The following WWOX variants were observed in gnomAD, a reference collection of about 807,000 sequenced individuals.
WWOX encodes WW domain-containing oxidoreductase.
Under a neutral mutation model 46.2 loss-of-function variants are expected in WWOX, and 69 were observed. The ratio of observed to expected loss-of-function variants is 1.49; its 90% CI spans 1.23 to 1.82. WWOX has a LOEUF of 1.82. Among genes scored for constraint, WWOX ranks in the 40% most tolerant of loss-of-function variants. The pLI is 0.00. For synonymous variants in WWOX, 359 were observed against 202.6 expected (o/e 1.77, Z -6.56); for missense variants, 919 against 542.6 (o/e 1.69, Z -6.89).
At chr16:79,015,086 T>G (rs1183319991) in intron 8 of WWOX, among the ~76,000 whole-genome samples, 1 of 152,156 alleles carries the variant, frequency 6.6e-6, no homozygotes, top group African/African-American at 2.4e-5. Flanking sequence ...CTTTCAAATT[T>G]GGATGTGTCG....
At chr16:78,634,837 A>AGAGAGTGTGTGTGT (rs1346762709) in intron 8 of WWOX, among the ~76,000 whole-genome samples, 5 of 111,718 alleles carry the variant, frequency 4.5e-5, no homozygotes, top group Non-Finnish European at 9.4e-5. Context: ...AGAGAGAGAG[A>AGAGAGTGTGTGTGT]GTGTGTGTGT....
chr16:78,805,573 G>C (rs145357518), intron 8 of WWOX, among the ~76,000 whole-genome samples: 1 of 152,138 alleles, frequency 6.6e-6, no homozygotes, highest in Non-Finnish European at 1.5e-5. Flanking sequence ...GTGAGCTGAC[G>C]CTCCCGGCCT....
At chr16:78,259,395 C>T (rs749648921) in intron 5 of WWOX, among the ~76,000 whole-genome samples, 14 of 152,146 alleles carry the variant, frequency 9.2e-5, no homozygotes, top group Non-Finnish European at 1.6e-4. Context: ...GGCACAATCT[C>T]GGCTGACTGC....
chr16:78,569,129 C>G (rs2044650395), intron 8 of WWOX, among the ~76,000 whole-genome samples: 1 of 152,110 alleles, frequency 6.6e-6, no homozygotes, highest in African/African-American at 2.4e-5. Context: ...TTACAGGATA[C>G]CTAGGGACCT....
chr16:78,632,809 C>T (rs1185132724), intron 8 of WWOX, among the ~76,000 whole-genome samples: 3 of 152,010 alleles, frequency 2.0e-5, no homozygotes, highest in Admixed American at 2.0e-4. Context: ...CCACCCGCCT[C>T]AGCCTCCCAC....
intron 5 of WWOX, among the ~76,000 whole-genome samples, chr16:78,179,033 T>C (rs1380725699): frequency 6.6e-6 from 1 of 152,148 alleles, no homozygotes; most frequent in East Asian, 1.9e-4. Flanking sequence ...GGGGTGTTCA[T>C]GATGATAATC....
intron 8 of WWOX, among the ~76,000 whole-genome samples, chr16:78,540,239 A>AG (rs1214417519): frequency 1.3e-5 from 2 of 149,798 alleles, no homozygotes; most frequent in Admixed American, 6.6e-5. Context: ...AAGGAGCAAC[A>AG]GAAAAAAAAA....
chr16:78,745,675 T>C (rs1011373782), intron 8 of WWOX, among the ~76,000 whole-genome samples: 24 of 151,962 alleles, frequency 1.6e-4, no homozygotes, highest in Non-Finnish European at 2.2e-4. Context: ...AGCACATAAA[T>C]TTTCATAGAC....
chr16:78,429,330 G>A (rs1941607346), intron 7 of WWOX, among the ~76,000 whole-genome samples: 1 of 152,204 alleles, frequency 6.6e-6, no homozygotes, highest in Non-Finnish European at 1.5e-5. Flanking sequence ...GTCCTGAAGA[G>A]TGGATACTTA....
At chr16:78,607,071 G>C (rs572645924) in intron 8 of WWOX, among the ~76,000 whole-genome samples, 13 of 152,232 alleles carry the variant, frequency 8.5e-5, no homozygotes, top group African/African-American at 2.9e-4. Context: ...GGTGGCCAAG[G>C]GGCTGTGGAA....
intron 8 of WWOX, among the ~76,000 whole-genome samples, chr16:78,900,675 A>C (rs975889384): frequency 3.3e-5 from 5 of 152,168 alleles, no homozygotes; most frequent in African/African-American, 1.2e-4. Flanking sequence ...TACTCATCAG[A>C]TCATATGTTT....
At chr16:78,819,081 C>T (rs994306256) in intron 8 of WWOX, among the ~76,000 whole-genome samples, 18 of 152,182 alleles carry the variant, frequency 1.2e-4, no homozygotes, top group African/African-American at 4.3e-4. Flanking sequence ...GCCCATAGTA[C>T]TCAGGTGTTC....
At chr16:79,109,491 T>C (rs1294901930) in intron 8 of WWOX, among the ~76,000 whole-genome samples, 1 of 152,128 alleles carries the variant, frequency 6.6e-6, no homozygotes, top group African/African-American at 2.4e-5. Flanking sequence ...CAAGGATTTA[T>C]GTTGTTAATC....
intron 5 of WWOX, among the ~76,000 whole-genome samples, chr16:78,243,498 G>T (rs2151821681): frequency 6.6e-6 from 1 of 152,032 alleles, no homozygotes; most frequent in South Asian, 2.1e-4. Context: ...TGCTTTTTCG[G>T]TCCTCTCCCT....
intron 5 of WWOX, 47 bp from the exon 6 acceptor site, chr16:78,386,813 T>A (rs750730404): frequency 2.3e-5 from 36 of 1,536,622 alleles, no homozygotes; most frequent in Non-Finnish European, 6.3e-6. Flanking sequence ...TACCATGAAC[T>A]ACACTTGCTG....
At chr16:79,028,275 A>T (rs1174568490) in intron 8 of WWOX, among the ~76,000 whole-genome samples, 1 of 151,688 alleles carries the variant, frequency 6.6e-6, no homozygotes, top group Non-Finnish European at 1.5e-5. Flanking sequence ...TGTTCCTAAT[A>T]CCTGGCCCAG....
chr16:78,641,850 A>G (rs2046721167), intron 8 of WWOX, among the ~76,000 whole-genome samples: 1 of 152,230 alleles, frequency 6.6e-6, no homozygotes, highest in Non-Finnish European at 1.5e-5. Context: ...ATTTCAGTTC[A>G]ATACTTAAAT....
chr16:79,147,358 C>A (rs181783210), intron 8 of WWOX, among the ~76,000 whole-genome samples: 1 of 152,254 alleles, frequency 6.6e-6, no homozygotes, highest in African/African-American at 2.4e-5. Flanking sequence ...AGTATGTAAT[C>A]TTTTGGGGAC....
chr16:79,181,771 G>T (rs1313307480), intron 8 of WWOX, among the ~76,000 whole-genome samples: 1 of 152,148 alleles, frequency 6.6e-6, no homozygotes, highest in African/African-American at 2.4e-5. Context: ...CACAAATGGA[G>T]AGGTCTTTTA....
Sources: gnomAD v4.1 joint callset for allele counts (sites outside exome capture counted in the v4.1 genomes callset) on GRCh38, gnomAD v4.1.1 for gene constraint, MANE v1.5 for transcripts, NCBI Gene and HGNC (gene_info 2026-07-23, HGNC 2026-07-21) for gene names.